KIAA1217: variants seen among roughly 807,000 people sequenced by gnomAD.
KIAA1217 encodes sickle tail protein homolog.
Under a neutral mutation model 163.9 loss-of-function variants are expected in KIAA1217, and 88 were observed. The observed-to-expected ratio is 0.54, with a 90% CI of 0.45 to 0.64. KIAA1217 has a LOEUF of 0.64. KIAA1217 is among the 30% of genes least tolerant of loss of function. The pLI is 0.00. For synonymous variants in KIAA1217, 903 were observed against 923.1 expected (o/e 0.98, Z 0.39); for missense variants, 2,372 against 2,475.0 (o/e 0.96, Z 0.88).
chr10:24,360,309 A>G (rs1162785311), intron 2 of KIAA1217, among the ~76,000 whole-genome samples: 1 of 151,956 alleles, frequency 6.6e-6, no homozygotes, highest in East Asian at 1.9e-4. Flanking sequence ...TTGCCTCCCA[A>G]AGTGCTGGGA....
At chr10:24,235,981 C>A (rs117168396) in intron 2 of KIAA1217, among the ~76,000 whole-genome samples, 1 of 152,116 alleles carries the variant, frequency 6.6e-6, no homozygotes, top group African/African-American at 2.4e-5. Flanking sequence ...GGGTTTAAAT[C>A]TCGGGTCAGC....
At chr10:24,446,938 G>A (rs893091687) in intron 5 of KIAA1217, among the ~76,000 whole-genome samples, 10 of 152,094 alleles carry the variant, frequency 6.6e-5, no homozygotes, top group Admixed American at 4.6e-4. Flanking sequence ...GGTCACTACC[G>A]TCCGTCCTTT....
chr10:23,839,810 A>G (rs1440062630), intron 1 of KIAA1217, among the ~76,000 whole-genome samples: 1 of 152,148 alleles, frequency 6.6e-6, no homozygotes, highest in Non-Finnish European at 1.5e-5. Context: ...TCCCACCACA[A>G]ATCTGTCTTT....
At chr10:24,409,643 A>C (rs1770058126) in intron 3 of KIAA1217, among the ~76,000 whole-genome samples, 1 of 152,232 alleles carries the variant, frequency 6.6e-6, no homozygotes, top group Non-Finnish European at 1.5e-5. Flanking sequence ...GTATTTGGTT[A>C]CATGAGTAAG....
chr10:24,032,811 C>T (rs1848241941), intron 2 of KIAA1217, among the ~76,000 whole-genome samples: 1 of 152,070 alleles, frequency 6.6e-6, no homozygotes, highest in South Asian at 2.1e-4. Flanking sequence ...CTCTGGAGAC[C>T]ACCCTAATAA....
intron 1 of KIAA1217, among the ~76,000 whole-genome samples, chr10:23,987,578 T>A (rs1477802385): frequency 6.6e-6 from 1 of 151,132 alleles, no homozygotes; most frequent in Non-Finnish European, 1.5e-5. Context: ...ATCAAATTAA[T>A]GTATTCATTA....
intron 2 of KIAA1217, among the ~76,000 whole-genome samples, chr10:24,060,059 G>A (rs541340642): frequency 1.3e-5 from 2 of 152,040 alleles, no homozygotes; most frequent in African/African-American, 2.4e-5. Context: ...ATTTCTGATT[G>A]TCTTTGAGTC....
chr10:23,790,137 A>C (rs1269351431), intron 1 of KIAA1217, among the ~76,000 whole-genome samples: 4 of 79,690 alleles, frequency 5.0e-5, no homozygotes. Flanking sequence ...ACATATGCAT[A>C]TACACATATA....
At position 23,815,066 on chromosome 10, in the gene KIAA1217, G is replaced by T. The variant is rs148699057; in HGVS notation, c.-321+119832G>T. On this transcript the variant is annotated intron_variant, in intron 1 of 18. Transcript: ENST00000376462. Reference sequence around the variant, plus strand: ...CTACATCTTTCCAATGAGTAGATGAGATCATGGATTTGCAAGTGCCTCAAG... The same window carrying T: ...CTACATCTTTCCAATGAGTAGATGATATCATGGATTTGCAAGTGCCTCAAG... 3.7e-3 allele frequency among the ~76,000 whole-genome samples: 564 copies of T among 152,264 alleles called. 2 individuals carry two copies. Among genetic ancestry groups the T allele is most frequent in the African/African-American group, 0.013 (548 of 41,558 alleles).
rs1592639409 is a variant in KIAA1217, at chr10:24,522,058, C to A, written c.2456+129C>A. 6.9e-6 allele frequency: 7 copies of A among 1,013,288 alleles called. No homozygotes were observed. The East Asian group carries it at 1.3e-4, about 19-fold the overall frequency. The allele number at this position is 1,013,288 out of a possible 1,614,324, so 62.8% of individuals were successfully genotyped here. A position where few individuals can be genotyped will look rare whatever the true frequency, so the allele number is the denominator to read the frequency against. The stretch of plus-strand genomic sequence containing the variant: ...CATCCAGTGTCCTGAGGAAAAGCCC[C>A]AAGTCCTTCTCACCCTTGAACTTTT... On this transcript the variant is annotated intron_variant, in intron 12 of 20. Coordinates refer to ENST00000376454, the MANE Select transcript of KIAA1217 (RefSeq NM_019590.5).
At chr10:24,414,102 A>G (rs1486309337) in intron 3 of KIAA1217, among the ~76,000 whole-genome samples, 2 of 152,236 alleles carry the variant, frequency 1.3e-5, no homozygotes, top group Non-Finnish European at 2.9e-5. Flanking sequence ...CTGTAAATCT[A>G]AAACAGTCCT....
chr10:24,397,537 C>T (rs1591597738), intron 3 of KIAA1217, among the ~76,000 whole-genome samples: 2 of 152,274 alleles, frequency 1.3e-5, no homozygotes, highest in South Asian at 2.1e-4. Context: ...GTAGAACCTA[C>T]ATACTTAACC....
chr10:24,296,368 A>C (rs761923078), intron 2 of KIAA1217, among the ~76,000 whole-genome samples: 5 of 152,158 alleles, frequency 3.3e-5, no homozygotes, highest in African/African-American at 1.2e-4. Context: ...TAGGCTTTCC[A>C]AAGTGCTGGA....
intron 1 of KIAA1217, among the ~76,000 whole-genome samples, chr10:23,887,117 C>A (rs1289111577): frequency 2.6e-5 from 4 of 151,780 alleles, no homozygotes; most frequent in Non-Finnish European, 4.4e-5. Flanking sequence ...GCTTTCTTAT[C>A]TTTGGAACAT....
chr10:23,928,792 G>A (rs983529915), intron 1 of KIAA1217, among the ~76,000 whole-genome samples: 1 of 152,304 alleles, frequency 6.6e-6, no homozygotes, highest in South Asian at 2.1e-4. Context: ...TTGAACACAG[G>A]CAATATGGTT....
chr10:24,146,049 A>G (rs1012990619), intron 2 of KIAA1217, among the ~76,000 whole-genome samples: 1 of 152,244 alleles, frequency 6.6e-6, no homozygotes, highest in African/African-American at 2.4e-5. Flanking sequence ...AATATTAACC[A>G]TCACGCTGAG....
At chr10:24,302,992 T>C (rs895611622) in intron 2 of KIAA1217, among the ~76,000 whole-genome samples, 1 of 152,138 alleles carries the variant, frequency 6.6e-6, no homozygotes, top group Admixed American at 6.6e-5. Flanking sequence ...GAATTTTTAC[T>C]CTGAGTAAGA....
intron 2 of KIAA1217, among the ~76,000 whole-genome samples, chr10:24,140,511 A>G (rs2064018617): frequency 6.6e-6 from 1 of 152,180 alleles, no homozygotes; most frequent in Admixed American, 6.5e-5. Flanking sequence ...CGATCTGATA[A>G]CCCAGACAGC....
At chr10:23,827,913 G>C (rs1028239874) in intron 1 of KIAA1217, among the ~76,000 whole-genome samples, 3 of 152,184 alleles carry the variant, frequency 2.0e-5, no homozygotes, top group Non-Finnish European at 2.9e-5. Context: ...CTTAAAGGAT[G>C]ACTGTTTGCC....
Sources: allele counts gnomAD v4.1 joint callset (sites outside exome capture counted in the v4.1 genomes callset), GRCh38; gene constraint gnomAD v4.1.1; transcripts MANE v1.5; gene names NCBI Gene and HGNC (gene_info 2026-07-23, HGNC 2026-07-21).